ATP11A: variants seen among roughly 807,000 people sequenced by gnomAD.
ATP11A encodes phospholipid-transporting ATPase IH.
In ATP11A, 81 loss-of-function variants were observed where a neutral mutation model predicts 154.4. The ratio of observed to expected loss-of-function variants is 0.52; its 90% CI spans 0.44 to 0.63. The LOEUF is 0.63. Ranked by LOEUF, ATP11A falls within the 30% of genes least tolerant of loss-of-function variation. The pLI is 0.00. For missense variants in ATP11A, 1,316 were observed against 1,474.3 expected (o/e 0.89, Z 1.76); for synonymous variants, 623 against 585.9 (o/e 1.06, Z -0.91).
Position 112,758,208 on chromosome 13 carries a change from C to T in ATP11A, c.40-26927C>T, listed in dbSNP as rs568465353. 3.1e-4 allele frequency among the ~76,000 whole-genome samples: 47 copies of T among 150,882 alleles called. No individual in the cohort carries two copies. In the South Asian group the frequency reaches 3.5e-3, roughly 11 times the overall value. ...TCCCAACTAGCTGGGATTACAGGCA[C>T]GCACCACCATGCCTGGCTAGTTTTT... On this transcript the variant is annotated intron_variant, in intron 1 of 29. Coordinates refer to ENST00000375645, the MANE Select transcript of ATP11A (RefSeq NM_015205.3).
intron 25 of ATP11A, among the ~76,000 whole-genome samples, chr13:112,869,982 C>T (rs971633185): frequency 3.3e-5 from 5 of 152,346 alleles, no homozygotes; most frequent in East Asian, 1.9e-4. Context: ...TCCACCCCCC[C>T]ATCCAAAGCT....
intron 1 of ATP11A, among the ~76,000 whole-genome samples, chr13:112,732,737 G>A (rs1276941672): frequency 6.6e-6 from 1 of 152,144 alleles, no homozygotes; most frequent in Non-Finnish European, 1.5e-5. Flanking sequence ...TCATCCTCCC[G>A]AGTATCTGGG....
chr13:112,700,905 ACGTG>A (rs1473456661), intron 1 of ATP11A, among the ~76,000 whole-genome samples: 1 of 152,070 alleles, frequency 6.6e-6, no homozygotes, highest in East Asian at 1.9e-4. Context: ...ATCCATCTCC[ACGTG>A]CGTGGGCTTG....
chr13:112,882,594 G>T lies in ATP11A; in HGVS notation c.*728G>T, dbSNP rs2080910945. ...CCTGCGGTTACGTCCAAGCCCGCCT[G>T]CCCTGTGTGTTGGGGCTGGCTGAGT... On this transcript the variant is annotated 3_prime_UTR_variant, in exon 30 of 30. Transcript: ENST00000375645. The surrounding 1 kb of genome is among the most constrained non-coding windows in gnomAD (Gnocchi z 5.1). 1 of 405,694 alleles carries T rather than the reference G, an allele frequency of 2.5e-6. No homozygotes were observed. The highest frequency in any genetic ancestry group is 4.3e-6 in the Non-Finnish European group (1 of 231,252). The allele number at this position is 405,694 out of a possible 1,614,324, so 25.1% of individuals were successfully genotyped here. A position where few individuals can be genotyped will look rare whatever the true frequency, so the allele number is the denominator to read the frequency against.
intron 1 of ATP11A, among the ~76,000 whole-genome samples, chr13:112,712,607 G>A (rs898143486): frequency 1.3e-5 from 2 of 152,140 alleles, no homozygotes; most frequent in African/African-American, 4.8e-5. Context: ...GTCAGCTAGC[G>A]TCCACAGCCC....
intron 1 of ATP11A, among the ~76,000 whole-genome samples, chr13:112,724,284 A>T (rs1448778914): frequency 1.3e-5 from 2 of 151,324 alleles, no homozygotes; most frequent in African/African-American, 4.9e-5. Context: ...GGCCTGCTTC[A>T]GACACAGCTA....
intron 1 of ATP11A, among the ~76,000 whole-genome samples, chr13:112,721,728 C>T (rs2139636928): frequency 6.6e-6 from 1 of 152,358 alleles, no homozygotes; most frequent in African/African-American, 2.4e-5. Flanking sequence ...GAACCTGTCT[C>T]CTGCCCGCCT....
At chr13:112,755,788 G>T (rs1346902856) in intron 1 of ATP11A, among the ~76,000 whole-genome samples, 1 of 136,602 alleles carries the variant, frequency 7.3e-6, no homozygotes, top group Non-Finnish European at 1.6e-5. Context: ...GGTCACGGAA[G>T]CGGCACTCAG....
Position 112,856,071 on chromosome 13 carries a change from T to C in ATP11A, c.2404T>C (p.Leu802=). Reference sequence around the variant, plus strand: ...GGTGCTCTGCTGCCGCATGGCGCCCTTGCAGAAGGCTCAGGTGCTGCCCGC... The same window carrying C: ...GGTGCTCTGCTGCCGCATGGCGCCCCTGCAGAAGGCTCAGGTGCTGCCCGC... ...SAVLCCRMAP[L]QKAQIVKLIK... The change falls in exon 20 of 30, where the codon TTG becomes CTG. Residue 802 remains leucine (L), a synonymous_variant. Transcript: ENST00000375645. 6.2e-7 allele frequency: 1 copy of C among 1,612,786 alleles called. No individual in the cohort carries two copies. The highest frequency in any genetic ancestry group is 8.5e-7 in the Non-Finnish European group (1 of 1,179,582).
In ATP11A at chr13:112,883,315, G is replaced by T; in HGVS notation, c.*1449G>T. Reference sequence around the variant, plus strand: ...ATTTCTATTTCTAGAAATAATATTTGACATAGCCTTAATGGTCCTTAAAGA... The same window carrying T: ...ATTTCTATTTCTAGAAATAATATTTTACATAGCCTTAATGGTCCTTAAAGA... On this transcript the variant is annotated 3_prime_UTR_variant, in exon 30 of 30. Transcript: ENST00000375645. 2.5e-6 allele frequency: 1 copy of T among 398,090 alleles called. No homozygotes were observed. Among genetic ancestry groups the T allele is most frequent in the South Asian group, 1.3e-4 (1 of 7,456 alleles). 24.7% of individuals were successfully genotyped at this position (398,090 alleles called of 1,614,324 possible).
chr13:112,833,072 C>A, intron 14 of ATP11A, 49 bp downstream of exon 14: 1 of 1,573,344 alleles, frequency 6.4e-7, no homozygotes, highest in South Asian at 1.2e-5. Context: ...GTGACTCAGC[C>A]CCTCCCCAGC....
rs1888195556 is a variant in ATP11A at position 112,714,441 on chromosome 13, T to C, written c.39+23986T>C. Among the ~76,000 whole-genome samples, 2 of 152,096 alleles carry C rather than the reference T, an allele frequency of 1.3e-5. 1 individual carries two copies. The highest frequency in any genetic ancestry group is 4.1e-4 in the South Asian group (2 of 4,828). Reference sequence around the variant, plus strand: ...GTCAGGGAGCGGTGTGGAGGAGACCTGAAGGACAGCCCTTCCCCTTCCCTT... The same window carrying C: ...GTCAGGGAGCGGTGTGGAGGAGACCCGAAGGACAGCCCTTCCCCTTCCCTT... On this transcript the variant is annotated intron_variant, in intron 1 of 29. Transcript: ENST00000375645.
intron 1 of ATP11A, among the ~76,000 whole-genome samples, chr13:112,740,187 T>C (rs2139744340): frequency 6.6e-6 from 1 of 151,566 alleles, no homozygotes; most frequent in East Asian, 1.9e-4. Flanking sequence ...TATATGTATA[T>C]ATATTTTTTT....
At chr13:112,788,238 G>A (rs373613975) in intron 2 of ATP11A, among the ~76,000 whole-genome samples, 21 of 149,046 alleles carry the variant, frequency 1.4e-4, no homozygotes, top group African/African-American at 3.5e-4. Context: ...GTGTCCTGAC[G>A]TGTAGACTCC....
Position 112,807,739 on chromosome 13 carries a change from T to A in ATP11A, c.333+1446T>A, listed in dbSNP as rs1415759595. ...AGTTTCCAGGAACCCATCGTGGAGATTAGGTGAGGGCGTCCCGTGCTATCT... is the reference window on the plus strand; with the variant it reads ...AGTTTCCAGGAACCCATCGTGGAGAATAGGTGAGGGCGTCCCGTGCTATCT... On this transcript the variant is annotated intron_variant, in intron 4 of 29. Coordinates refer to ENST00000375645, the MANE Select transcript of ATP11A (RefSeq NM_015205.3). This position sits in a 1 kb window ranked among gnomAD's most constrained non-coding sequence, Gnocchi z 4.5. Among the ~76,000 whole-genome samples, 1 of 151,860 alleles carries A rather than the reference T, an allele frequency of 6.6e-6. No homozygotes were observed. Among genetic ancestry groups the A allele is most frequent in the African/African-American group, 2.4e-5 (1 of 41,328 alleles).
chr13:112,709,730 A>C (rs951902699), intron 1 of ATP11A, among the ~76,000 whole-genome samples: 4 of 152,268 alleles, frequency 2.6e-5, no homozygotes, highest in Non-Finnish European at 5.9e-5. Context: ...AATGTATTTA[A>C]GTCTCATGCC....
At chr13:112,718,392 A>G (rs1048672455) in intron 1 of ATP11A, among the ~76,000 whole-genome samples, 46 of 152,186 alleles carry the variant, frequency 3.0e-4, no homozygotes, top group African/African-American at 9.6e-4. Flanking sequence ...AAGTGTTTCC[A>G]GTTAAATTTA....
chr13:112,789,342 C>T (rs2077764419), intron 2 of ATP11A, among the ~76,000 whole-genome samples: 1 of 151,372 alleles, frequency 6.6e-6, no homozygotes, highest in African/African-American at 2.4e-5. Flanking sequence ...TTAATTCACA[C>T]CGAGTGTCCT....
At chr13:112,803,147 A>G (rs1280007697) in intron 2 of ATP11A, among the ~76,000 whole-genome samples, 1 of 152,238 alleles carries the variant, frequency 6.6e-6, no homozygotes, top group Non-Finnish European at 1.5e-5. Flanking sequence ...AATGTGAATT[A>G]GAATAGAAAA....
Sources: allele counts gnomAD v4.1 joint callset (sites outside exome capture counted in the v4.1 genomes callset), GRCh38; gene constraint gnomAD v4.1.1; non-coding constraint Gnocchi (gnomAD v3.1); transcripts MANE v1.5; gene names NCBI Gene and HGNC (gene_info 2026-07-23, HGNC 2026-07-21).